ASF1B: variants seen among roughly 807,000 people sequenced by gnomAD.
ASF1B encodes histone chaperone ASF1B.
In ASF1B, 10 loss-of-function variants were observed where a neutral mutation model predicts 16.6. The ratio of observed to expected loss-of-function variants is 0.60; its 90% confidence interval spans 0.37 to 1.02. The LOEUF (loss-of-function observed/expected upper bound fraction) is 1.02, where lower values mean the gene tolerates loss of function less well. Among genes scored for constraint, ASF1B ranks in the 50% least tolerant of loss-of-function variants. The probability of loss-of-function intolerance (pLI) is 0.01; values close to 1 mark genes in which losing one functional copy is unlikely to be tolerated. For missense variants in ASF1B, 240 were observed against 266.0 expected (o/e 0.90, Z 0.68); for synonymous variants, 101 against 106.2 (o/e 0.95, Z 0.30).
intron 2 of ASF1B, among the ~76,000 whole-genome samples, chr19:14,124,561 T>TGG (rs1396473612): frequency 6.6e-6 from 1 of 152,206 alleles, no homozygotes; most frequent in Non-Finnish European, 1.5e-5. Flanking sequence ...TAAGTTTATT[T>TGG]GTAACCCCAA....
At chr19:14,128,444 C>T (rs1967349868) in intron 1 of ASF1B, among the ~76,000 whole-genome samples, 1 of 152,076 alleles carries the variant, frequency 6.6e-6, no homozygotes. Context: ...GGTGTTTGGT[C>T]GAACTAGCCT....
intron 2 of ASF1B, 81 bp from the exon 3 acceptor site, chr19:14,121,789 G>T: frequency 1.5e-6 from 2 of 1,318,800 alleles, no homozygotes; most frequent in Non-Finnish European, 2.1e-6. Context: ...CAAGCATCAT[G>T]TATTTACTGA....
At position 14,120,195 on chromosome 19, in the gene ASF1B, G is replaced by GTTAGAATTTATGAAGACGAAAAGAACA; in HGVS notation, c.*237_*263dup. On this transcript the variant is annotated 3_prime_UTR_variant, in exon 4 of 4. Transcript: ENST00000263382. The stretch of plus-strand genomic sequence containing the variant: ...GGTGCACAGTGGCACAGTGGCCTTA[G>GTTAGAATTTATGAAGACGAAAAGAACA]TTAGAATTTATGAAGACGAAAAGAA... 2.2e-6 allele frequency: 1 copy of GTTAGAATTTATGAAGACGAAAAGAACA among 446,624 alleles called. No homozygotes were observed. The highest frequency in any genetic ancestry group is 2.7e-5 in the South Asian group (1 of 36,508). The allele number at this position is 446,624 out of a possible 1,614,324, so 27.7% of individuals were successfully genotyped here.
chr19:14,132,355 T>C (rs768286750), intron 1 of ASF1B, among the ~76,000 whole-genome samples: 7 of 152,114 alleles, frequency 4.6e-5, no homozygotes, highest in Non-Finnish European at 1.0e-4. Flanking sequence ...AGATTTTCAG[T>C]TGACGCTGCT....
intron 1 of ASF1B, among the ~76,000 whole-genome samples, chr19:14,128,706 C>T (rs62122131): frequency 6.6e-6 from 1 of 152,162 alleles, no homozygotes; most frequent in Non-Finnish European, 1.5e-5. Flanking sequence ...GCAATCCTCC[C>T]GCCTTGGCCT....
At chr19:14,130,237 A>G (rs1278071298) in intron 1 of ASF1B, among the ~76,000 whole-genome samples, 1 of 150,888 alleles carries the variant, frequency 6.6e-6, no homozygotes, top group Admixed American at 6.6e-5. Flanking sequence ...TTTTTTTTCT[A>G]TTTTTAGTAG....
chr19:14,134,393 C>G (rs1967454578), intron 1 of ASF1B, among the ~76,000 whole-genome samples: 2 of 152,096 alleles, frequency 1.3e-5, no homozygotes, highest in Non-Finnish European at 2.9e-5. Flanking sequence ...CTACCCAAAG[C>G]ACATCCACAT....
intron 1 of ASF1B, among the ~76,000 whole-genome samples, chr19:14,134,561 A>G (rs2144521865): frequency 6.6e-6 from 1 of 152,192 alleles, no homozygotes; most frequent in Admixed American, 6.5e-5. Flanking sequence ...ACCAAGTAGA[A>G]AAATGGCCTA....
intron 1 of ASF1B, 89 bp downstream of exon 1, chr19:14,136,259 G>A (rs995181635): frequency 1.7e-5 from 18 of 1,079,726 alleles, no homozygotes; most frequent in Non-Finnish European, 1.9e-5. Context: ...GGTTTCATGG[G>A]GGAGATCAAG....
chr19:14,132,527 T>C (rs927290927), intron 1 of ASF1B, among the ~76,000 whole-genome samples: 1 of 152,108 alleles, frequency 6.6e-6, no homozygotes, highest in Non-Finnish European at 1.5e-5. Flanking sequence ...CAATTAACAA[T>C]AGCATTCTCT....
chr19:14,121,274 CATTTT>C, intron 3 of ASF1B: 2 of 458,262 alleles, frequency 4.4e-6, no homozygotes, highest in Admixed American at 4.3e-5. Context: ...ATGTCTGGCT[CATTTT>C]TTTTTTTTTT....
chr19:14,130,211 A>G (rs1410620974), intron 1 of ASF1B, among the ~76,000 whole-genome samples: 1 of 151,436 alleles, frequency 6.6e-6, no homozygotes, highest in Non-Finnish European at 1.5e-5. Flanking sequence ...GGCACCCCCC[A>G]CCACGCCCGG....
rs7253744 is a variant in ASF1B, at chr19:14,122,259, A to G, written c.226-551T>C. Among the ~76,000 whole-genome samples, 1,063 of 147,224 alleles carry G rather than the reference A, an allele frequency of 7.2e-3. 13 individuals carry two copies. Among genetic ancestry groups the G allele is most frequent in the African/African-American group, 0.025 (984 of 39,730 alleles). On this transcript the variant is annotated intron_variant, in intron 2 of 3. Transcript: ENST00000263382. ...TTTTTGTATTTTTAGTACAGACGGG[A>G]TTTCACCATGTTGGCCAGGCTGGTC...
Position 14,120,100 on chromosome 19 carries a change from C to A in ASF1B, c.*359G>T, listed in dbSNP as rs1019107363. The A allele has an allele frequency of 1.3e-5, 3 of 226,800 alleles. No individual in the cohort carries two copies. The highest frequency in any genetic ancestry group is 2.6e-5 in the Non-Finnish European group (3 of 115,788). The allele number at this position is 226,800 out of a possible 1,614,324, so 14.0% of individuals were successfully genotyped here. On this transcript the variant is annotated 3_prime_UTR_variant, in exon 4 of 4. Transcript: ENST00000263382. ...TCAGCAGGACTGGAGCCTTGACAGG[C>A]ACTGACCAAGAAAGCCTCTAGGTGG... is the stretch of plus-strand genomic sequence containing the variant.
At chr19:14,129,844 C>T (rs1228603994) in intron 1 of ASF1B, among the ~76,000 whole-genome samples, 5 of 150,680 alleles carry the variant, frequency 3.3e-5, no homozygotes, top group Non-Finnish European at 5.9e-5. Context: ...CTCAGAAGTT[C>T]GAGATCAGCC....
intron 1 of ASF1B, among the ~76,000 whole-genome samples, chr19:14,132,895 C>T (rs141327480): frequency 7.9e-5 from 12 of 151,520 alleles, no homozygotes; most frequent in Admixed American, 2.6e-4. Flanking sequence ...CCGAGGCGGG[C>T]GGATCACAAG....
chr19:14,135,364 AGT>A (rs1450479404), intron 1 of ASF1B, among the ~76,000 whole-genome samples: 3 of 152,150 alleles, frequency 2.0e-5, no homozygotes, highest in Non-Finnish European at 4.4e-5. Flanking sequence ...CTCGGATCTC[AGT>A]GTGTTTATCC....
chr19:14,132,728 G>T (rs927033262), intron 1 of ASF1B, among the ~76,000 whole-genome samples: 1 of 152,162 alleles, frequency 6.6e-6, no homozygotes, highest in African/African-American at 2.4e-5. Context: ...TGAGGCCGGA[G>T]AATCGCTTGA....
Position 14,120,428 on chromosome 19 carries a change from C to T in ASF1B, c.*31G>A, listed in dbSNP as rs199525441. The T allele has an allele frequency of 3.3e-4, 538 of 1,608,010 alleles. 1 individual carries two copies. In the Middle Eastern group the frequency reaches 5.1e-3, roughly 15 times the overall value. ...CGCTGGGAGGCCTGGTTGCCCCTCC[C>T]GGCGTGCTGGGACACTCTGGGTTCC... On this transcript the variant is annotated 3_prime_UTR_variant, in exon 4 of 4. Transcript: ENST00000263382.
Sources: gnomAD v4.1 joint callset for allele counts (sites outside exome capture counted in the v4.1 genomes callset) on GRCh38, gnomAD v4.1.1 for gene constraint, MANE v1.5 for transcripts, NCBI Gene and HGNC (gene_info 2026-07-23, HGNC 2026-07-21) for gene names.